ZRANB3: variants seen among roughly 807,000 people sequenced by gnomAD.
ZRANB3 encodes zinc finger RANBP2-type containing 3.
Under a neutral mutation model 133.8 loss-of-function variants are expected in ZRANB3, and 125 were observed. That is an observed-to-expected ratio of 0.93 (90% CI 0.81 to 1.08). The LOEUF (loss-of-function observed/expected upper bound fraction) is 1.08, where lower values mean the gene tolerates loss of function less well. Ranked by LOEUF, ZRANB3 falls within the 50% of genes least tolerant of loss-of-function variation. The probability of loss-of-function intolerance (pLI) is 0.00; values close to 1 mark genes in which losing one functional copy is unlikely to be tolerated. For synonymous variants in ZRANB3, 387 were observed against 432.7 expected (o/e 0.89, Z 1.31); for missense variants, 1,229 against 1,275.5 (o/e 0.96, Z 0.56).
intron 2 of ZRANB3, among the ~76,000 whole-genome samples, chr2:135,480,828 T>C (rs1007003938): frequency 6.9e-5 from 9 of 130,728 alleles, no homozygotes; most frequent in South Asian, 2.7e-4. Context: ...TGTGATCTCA[T>C]TGTTCAATTC....
chr2:135,402,619 T>A (rs1469430735), intron 2 of ZRANB3, among the ~76,000 whole-genome samples: 2 of 150,380 alleles, frequency 1.3e-5, no homozygotes, highest in East Asian at 3.9e-4. Context: ...ACAGTTTCGC[T>A]CTTGTCACCC....
chr2:135,390,824 G>GAAAAAA lies in ZRANB3; in HGVS notation c.162-10_162-5dup. The stretch of plus-strand genomic sequence containing the variant: ...TACTTCATCAGCCACCATACACCTG[G>GAAAAAA]AAAAAAAAAAAAAAAAAAATTAATT... On this transcript the variant is annotated splice_region_variant and splice_polypyrimidine_tract_variant and intron_variant, in intron 2 of 20. Coordinates refer to ENST00000264159, the MANE Select transcript of ZRANB3 (RefSeq NM_032143.4). The GAAAAAA allele has an allele frequency of 7.7e-7, 1 of 1,299,008 alleles. No homozygotes were observed. Among genetic ancestry groups the GAAAAAA allele is most frequent in the African/African-American group, 1.6e-5 (1 of 61,018 alleles). 80.5% of individuals were successfully genotyped at this position (1,299,008 alleles called of 1,614,324 possible).
Position 135,224,487 on chromosome 2 carries a change from A to G in ZRANB3, c.2189T>C (p.Val730Ala), listed in dbSNP as rs768505901. 3.7e-6 allele frequency: 6 copies of G among 1,613,370 alleles called. No homozygotes were observed. The highest frequency in any genetic ancestry group is 5.1e-6 in the Non-Finnish European group (6 of 1,179,512). ...EQWKSSDTLP[V>A]YDTLMFCASR... ...TGCACAGAACATTAAGGTGTCATAC[A>G]CTGGCAAAGTGTCTGAACTCTTCCA... Residue 730 changes from valine to alanine, a missense_variant, in exon 15 of 21, where the codon GTG becomes GCG. Transcript: ENST00000264159.
intron 2 of ZRANB3, among the ~76,000 whole-genome samples, chr2:135,475,895 T>C (rs568394681): frequency 1.2e-4 from 19 of 152,170 alleles, no homozygotes; most frequent in African/African-American, 4.1e-4. Context: ...CTGGCCAACA[T>C]GGTAAAACCC....
intron 2 of ZRANB3, among the ~76,000 whole-genome samples, chr2:135,437,822 GC>G (rs1230900653): frequency 6.6e-6 from 1 of 152,140 alleles, no homozygotes; most frequent in Admixed American, 6.5e-5. Context: ...GAGATAGCTG[GC>G]AAAACATTAT....
At chr2:135,358,722 C>A (rs1048126400) in intron 3 of ZRANB3, among the ~76,000 whole-genome samples, 1 of 152,086 alleles carries the variant, frequency 6.6e-6, no homozygotes, top group Non-Finnish European at 1.5e-5. Context: ...AGCTGATGTG[C>A]TGAATATAAG....
chr2:135,363,838 G>A (rs1275151891), intron 3 of ZRANB3, among the ~76,000 whole-genome samples: 3 of 152,166 alleles, frequency 2.0e-5, no homozygotes, highest in Admixed American at 6.5e-5. Flanking sequence ...CCCTTTGGGA[G>A]GCTGATATGT....
At chr2:135,260,330 C>T (rs575168636) in intron 12 of ZRANB3, among the ~76,000 whole-genome samples, 1 of 152,180 alleles carries the variant, frequency 6.6e-6, no homozygotes, top group African/African-American at 2.4e-5. Context: ...GTGATGGACT[C>T]CAAGGCAAGA....
At chr2:135,409,585 A>G (rs745678206) in intron 2 of ZRANB3, among the ~76,000 whole-genome samples, 52 of 152,292 alleles carry the variant, frequency 3.4e-4, no homozygotes, top group Admixed American at 1.2e-3. Context: ...AACGAGACTA[A>G]GATGTCTACT....
chr2:135,352,494 A>C (rs1685255453), intron 4 of ZRANB3, among the ~76,000 whole-genome samples: 2 of 152,052 alleles, frequency 1.3e-5, no homozygotes, highest in African/African-American at 2.4e-5. Flanking sequence ...AATTAGGATA[A>C]GATAGCAGTT....
chr2:135,348,191 A>G (rs1285887173), intron 5 of ZRANB3, among the ~76,000 whole-genome samples: 2 of 151,794 alleles, frequency 1.3e-5, no homozygotes. Context: ...CCTGGGAGGT[A>G]GAAGTTGCTG....
chr2:135,521,408 A>G lies in ZRANB3; in HGVS notation c.-8+9719T>C, dbSNP rs565676111. Among the ~76,000 whole-genome samples the G allele has an allele frequency of 1.6e-4, 25 of 152,276 alleles. No homozygotes were observed. The East Asian group carries it at 4.5e-3, about 27-fold the overall frequency. Reference sequence around the variant, plus strand: ...CTGAAAGTACAAAAATTAGCCGGGCATGGTGGCAAGCTACTTGGGAGGCTG... The same window carrying G: ...CTGAAAGTACAAAAATTAGCCGGGCGTGGTGGCAAGCTACTTGGGAGGCTG... On this transcript the variant is annotated intron_variant, in intron 1 of 20. Transcript: ENST00000264159.
intron 3 of ZRANB3, among the ~76,000 whole-genome samples, chr2:135,377,260 T>G (rs1395350421): frequency 1.3e-5 from 2 of 152,192 alleles, no homozygotes; most frequent in African/African-American, 4.8e-5. Context: ...GCTATACATG[T>G]ACATATATAT....
intron 2 of ZRANB3, among the ~76,000 whole-genome samples, chr2:135,468,324 T>C (rs1574149610): frequency 1.3e-5 from 2 of 152,336 alleles, no homozygotes; most frequent in Admixed American, 1.3e-4. Context: ...TCTCTTCCCA[T>C]ATCCCACCCT....
intron 2 of ZRANB3, among the ~76,000 whole-genome samples, chr2:135,411,237 C>CA (rs1358230186): frequency 1.5e-4 from 23 of 150,676 alleles, no homozygotes; most frequent in African/African-American, 5.4e-4. Flanking sequence ...GACCCTGTCT[C>CA]AAAAAAAAGA....
At chr2:135,403,057 C>T (rs1484948758) in intron 2 of ZRANB3, among the ~76,000 whole-genome samples, 1 of 152,134 alleles carries the variant, frequency 6.6e-6, no homozygotes, top group African/African-American at 2.4e-5. Context: ...TTCTGCATTT[C>T]CAACTGAGGT....
intron 8 of ZRANB3, among the ~76,000 whole-genome samples, chr2:135,308,123 T>G (rs1030301316): frequency 2.0e-5 from 3 of 152,134 alleles, no homozygotes; most frequent in Admixed American, 1.3e-4. Flanking sequence ...GGTGGGACTT[T>G]CTTGGTGTTC....
intron 2 of ZRANB3, among the ~76,000 whole-genome samples, chr2:135,398,256 C>T (rs1224499417): frequency 4.6e-5 from 7 of 151,470 alleles, no homozygotes; most frequent in Non-Finnish European, 7.4e-5. Flanking sequence ...TTAGTAGAGA[C>T]GGGGTTTCAC....
chr2:135,373,702 C>T (rs1301414575), intron 3 of ZRANB3, among the ~76,000 whole-genome samples: 1 of 150,402 alleles, frequency 6.6e-6, no homozygotes, highest in African/African-American at 2.4e-5. Context: ...GCATAAGAAT[C>T]GCTTGAACAC....
Sources: gnomAD v4.1 joint callset for allele counts (sites outside exome capture counted in the v4.1 genomes callset) on GRCh38, gnomAD v4.1.1 for gene constraint, MANE v1.5 for transcripts, NCBI Gene and HGNC (gene_info 2026-07-23, HGNC 2026-07-21) for gene names.